The following ERAP1 variants were observed in gnomAD, a reference collection of about 807,000 sequenced individuals.
ERAP1 encodes the protein endoplasmic reticulum aminopeptidase 1, also known as adipocyte-derived leucine aminopeptidase.
In ERAP1, 86 loss-of-function variants were observed where a neutral mutation model predicts 103.7. The ratio of observed to expected loss-of-function variants is 0.83; its 90% CI spans 0.70 to 0.99. The LOEUF (loss-of-function observed/expected upper bound fraction) is 0.99, where lower values mean the gene tolerates loss of function less well. Ranked by LOEUF, ERAP1 falls within the 50% of genes least tolerant of loss-of-function variation. ERAP1 has a pLI of 0.00. For synonymous variants in ERAP1, 398 were observed against 402.4 expected (o/e 0.99, Z 0.13); for missense variants, 1,009 against 1,128.4 (o/e 0.89, Z 1.52).
At position 96,786,506 on chromosome 5, in the gene ERAP1, C is replaced by T. The variant is rs10050860; in HGVS notation, c.1723G>A (p.Asp575Asn). ...TTTAGCAAAAATCGATGGACCATGT[C>T]GGATTTGCTGGTGATGAATGTCAAT... ...VPLTFITSKS[D>N]MVHRFLLKTK... Residue 575 changes from aspartate to asparagine, a missense_variant, in exon 12 of 19, where the codon GAC becomes AAC. By Grantham distance (23) the Asp-to-Asn change is conservative. Transcript: ENST00000443439. 313,739 of 1,608,984 alleles carry T rather than the reference C, an allele frequency of 0.19. 33,580 individuals carry two copies. Among genetic ancestry groups the T allele is most frequent in the Non-Finnish European group, 0.22 (261,656 of 1,175,734 alleles).
At chr5:96,874,383 C>T in the ERAP1 span, among the ~76,000 whole-genome samples, 1 of 152,330 alleles carries the variant, frequency 6.6e-6, no homozygotes, top group Admixed American at 6.5e-5. Context: ...CACATGCACT[C>T]GCCCACATAC....
chr5:96,837,766 G>A, the ERAP1 span, among the ~76,000 whole-genome samples: 1 of 152,202 alleles, frequency 6.6e-6, no homozygotes, highest in African/African-American at 2.4e-5. Flanking sequence ...CATTCGGGAG[G>A]AATGAGGTCA....
chr5:96,894,146 C>G, the ERAP1 span, among the ~76,000 whole-genome samples: 6 of 152,184 alleles, frequency 3.9e-5, no homozygotes, highest in Non-Finnish European at 7.3e-5. Context: ...GTATTTCTAA[C>G]ATATGGCATG....
At chr5:96,862,830 T>C in the ERAP1 span, among the ~76,000 whole-genome samples, 2 of 152,104 alleles carry the variant, frequency 1.3e-5, no homozygotes, top group East Asian at 3.9e-4. Flanking sequence ...TACAAGACTA[T>C]CCCTGCACCA....
chr5:96,865,036 G>A, the ERAP1 span, among the ~76,000 whole-genome samples: 2 of 152,002 alleles, frequency 1.3e-5, no homozygotes, highest in Non-Finnish European at 2.9e-5. Flanking sequence ...TTTAACTTTT[G>A]TATGCATTCT....
chr5:96,786,418 C>T lies in ERAP1; in HGVS notation c.1759+52G>A. ...CAAAAGAAACAGCACTTTAATCCTA[C>T]ACATTTTCACATTCCTCCTTGAATT... On this transcript the variant is annotated intron_variant, in intron 12 of 18. Transcript: ENST00000443439. 5.8e-6 allele frequency: 7 copies of T among 1,215,826 alleles called. No homozygotes were observed. The South Asian group carries it at 8.6e-5, about 15-fold the overall frequency. The allele number at this position is 1,215,826 out of a possible 1,614,324, so 75.3% of individuals were successfully genotyped here. A position where few individuals can be genotyped will look rare whatever the true frequency, so the allele number is the denominator to read the frequency against.
At chr5:96,822,693 T>C in the ERAP1 span, among the ~76,000 whole-genome samples, 1 of 4,720 alleles carries the variant, frequency 2.1e-4, no homozygotes, top group African/African-American at 1.0e-3. Context: ...CTTGGTAACA[T>C]AGCAAGACCC....
the ERAP1 span, among the ~76,000 whole-genome samples, chr5:96,891,900 G>A: frequency 8.5e-5 from 13 of 152,130 alleles, no homozygotes; most frequent in South Asian, 2.7e-3. Context: ...TATACGTTTT[G>A]ATGAATCTCA....
chr5:96,780,254 T>TAA (rs2150896321), intron 18 of ERAP1, among the ~76,000 whole-genome samples, 169 bp downstream of exon 18: 1 of 152,338 alleles, frequency 6.6e-6, no homozygotes, highest in East Asian at 1.9e-4. Context: ...TTCACTAGTT[T>TAA]AATTGCAACT....
At chr5:96,830,429 G>A in the ERAP1 span, among the ~76,000 whole-genome samples, 54 of 152,310 alleles carry the variant, frequency 3.5e-4, no homozygotes, top group African/African-American at 1.2e-3. Context: ...ACCAGGGAAC[G>A]TGAGCAAGGA....
the ERAP1 span, among the ~76,000 whole-genome samples, chr5:96,869,680 G>A: frequency 6.6e-6 from 1 of 152,188 alleles, no homozygotes; most frequent in African/African-American, 2.4e-5. Flanking sequence ...TTGAATTAGG[G>A]AAGCCTAAAC....
the ERAP1 span, chr5:96,886,941 T>A: frequency 4.5e-6 from 3 of 660,494 alleles, no homozygotes; most frequent in Non-Finnish European, 6.5e-6. Flanking sequence ...TTATCCATAG[T>A]CCTGTCACCA....
the ERAP1 span, among the ~76,000 whole-genome samples, chr5:96,839,571 C>A: frequency 6.6e-6 from 1 of 152,226 alleles, no homozygotes; most frequent in Non-Finnish European, 1.5e-5. Flanking sequence ...ATTCTTAAAA[C>A]CCTTTCATTG....
the ERAP1 span, among the ~76,000 whole-genome samples, chr5:96,874,180 A>AAGAAAGAAAGAG: frequency 2.1e-4 from 17 of 82,316 alleles, no homozygotes; most frequent in African/African-American, 9.7e-4. Flanking sequence ...GAAAGAAAGA[A>AAGAAAGAAAGAG]AGAGAGAGAG....
the ERAP1 span, chr5:96,876,505 A>C: frequency 6.6e-6 from 1 of 152,358 alleles, no homozygotes; most frequent in Non-Finnish European, 1.5e-5. Context: ...CCTTCAGTCA[A>C]ATCTGCAGCA....
intron 1 of ERAP1, chr5:96,805,721 G>A (rs945381423): frequency 6.6e-6 from 1 of 152,288 alleles, no homozygotes; most frequent in African/African-American, 2.4e-5. Context: ...AGAGTAAATG[G>A]AACTTGTGTT....
At chr5:96,888,580 T>C in the ERAP1 span, among the ~76,000 whole-genome samples, 1 of 152,226 alleles carries the variant, frequency 6.6e-6, no homozygotes, top group South Asian at 2.1e-4. Context: ...TTGAAGGACT[T>C]CAGTTAATTC....
At chr5:96,932,698 C>T in the ERAP1 span, among the ~76,000 whole-genome samples, 59 of 152,232 alleles carry the variant, frequency 3.9e-4, no homozygotes, top group East Asian at 1.9e-3. Context: ...CTATGGAATA[C>T]CAAGTGTTTT....
chr5:96,867,251 T>C, the ERAP1 span, among the ~76,000 whole-genome samples: 13,323 of 151,952 alleles, frequency 0.088, 686 homozygotes, highest in Middle Eastern at 0.15. Flanking sequence ...AGGCAATCCC[T>C]CTGCCTCAGC....
Sources: gnomAD v4.1 joint callset for allele counts (sites outside exome capture counted in the v4.1 genomes callset) on GRCh38, gnomAD v4.1.1 for gene constraint, MANE v1.5 for transcripts, NCBI Gene and HGNC (gene_info 2026-07-23, HGNC 2026-07-21) for gene names.